Variants in NEB observed in about 807,000 individuals in gnomAD.
The protein encoded by NEB is nebulin.
A neutral mutation model predicts 952.2 loss-of-function variants in NEB; 512 were observed. The ratio of observed to expected loss-of-function variants is 0.54; its 90% CI spans 0.50 to 0.58. The LOEUF is 0.58. NEB is among the 20% of genes least tolerant of loss of function. The pLI, the probability that NEB is intolerant of heterozygous loss-of-function variation, is 0.00. For missense variants in NEB, 8,428 were observed against 9,231.1 expected (o/e 0.91, Z 3.56); for synonymous variants, 2,900 against 3,149.8 (o/e 0.92, Z 2.66).
At chr2:151,656,874 ATT>A (rs1180146816) in intron 48 of NEB, among the ~76,000 whole-genome samples, 1 of 151,998 alleles carries the variant, frequency 6.6e-6, no homozygotes, top group Non-Finnish European at 1.5e-5. Flanking sequence ...AAAACAGAAC[ATT>A]TCTCTTAATG....
chr2:151,726,625 G>C (rs1040519492), intron 5 of NEB, among the ~76,000 whole-genome samples: 4 of 152,194 alleles, frequency 2.6e-5, no homozygotes, highest in African/African-American at 9.6e-5. Flanking sequence ...GAATCAGTCA[G>C]TGTAACTTAC....
At chr2:151,627,980 T>C (rs889505905) in intron 68 of NEB, 146 bp from the exon 69 acceptor site, 4 of 1,152,332 alleles carry the variant, frequency 3.5e-6, no homozygotes, top group Admixed American at 2.8e-5. Context: ...TCATCCTAAA[T>C]TCTTATTAGA....
intron 2 of NEB, 124 bp from the exon 3 acceptor site, chr2:151,733,309 G>T (rs2099813384): frequency 2.9e-6 from 2 of 679,948 alleles, no homozygotes; most frequent in Admixed American, 3.0e-5. Flanking sequence ...ATTGTTGCAG[G>T]CTAAAGGAGA....
chr2:151,637,625 G>A (rs959770822), intron 63 of NEB, among the ~76,000 whole-genome samples: 21 of 152,266 alleles, frequency 1.4e-4, no homozygotes, highest in East Asian at 5.8e-4. Flanking sequence ...CCGAGTAGCC[G>A]CACTAACACA....
intron 23 of NEB, 54 bp from the exon 24 acceptor site, chr2:151,690,879 G>T (rs2099543636): frequency 7.7e-7 from 1 of 1,302,458 alleles, no homozygotes; most frequent in African/African-American, 1.5e-5. Context: ...GGTTATACAT[G>T]CGCTAACATA....
In NEB at chr2:151,485,908, T is replaced by TC. The variant is rs1242654062; in HGVS notation, c.25429_25430insG (p.Tyr8477Ter). ...CACCTCATCTGCATCAGCAGCCATA[T>TC]AGTCATACATGGCACGGAAGATTTT... ...AGKIFRAMYD[Y>*]MAADADEVSF... Residue 8477 changes from tyrosine to a stop codon, truncating the protein, a stop_gained and frameshift_variant, in exon 182 of 182, where the codon TAT becomes TGAT. Transcript: ENST00000397345. LOFTEE classifies it high-confidence loss of function. The TC allele has an allele frequency of 1.9e-6, 3 of 1,613,788 alleles. No individual in the cohort carries two copies. The highest frequency in any genetic ancestry group is 2.5e-6 in the Non-Finnish European group (3 of 1,179,846).
At position 151,667,831 on chromosome 2, in the gene NEB, T is replaced by C; in HGVS notation, c.4692A>G (p.Ala1564=). 6.2e-7 allele frequency: 1 copy of C among 1,612,708 alleles called. No homozygotes were observed. Among genetic ancestry groups the C allele is most frequent in the Non-Finnish European group, 8.5e-7 (1 of 1,178,916 alleles). The change falls in exon 40 of 182, where the codon GCA becomes GCG. Residue 1564 remains alanine (A), a synonymous_variant. Coordinates refer to ENST00000397345, the MANE Select transcript of NEB (RefSeq NM_001164508.2). ...LRPDAIPIVA[A]KSSRNIASDC... is the part of the protein sequence containing the mutation. The stretch of plus-strand genomic sequence containing the variant: ...CACTAGCAATATTCCTTGAACTTTT[T>C]GCAGCAACAATTGGGATGGCATCTG...
At chr2:151,705,275 A>C (rs993682627) in intron 13 of NEB, among the ~76,000 whole-genome samples, 1 of 152,198 alleles carries the variant, frequency 6.6e-6, no homozygotes, top group African/African-American at 2.4e-5. Flanking sequence ...TTAGTTTTAA[A>C]TATGCAGCTG....
chr2:151,508,946 C>G (rs751332969), intron 161 of NEB, among the ~76,000 whole-genome samples: 3 of 152,196 alleles, frequency 2.0e-5, no homozygotes, highest in Non-Finnish European at 4.4e-5. Context: ...CTTTCATCAT[C>G]GCTTGTCACT....
chr2:151,666,251 T>G lies in NEB; in HGVS notation c.4870A>C (p.Lys1624Gln), dbSNP rs1376824911. ...ACCATATCCAGAGGTGTGTGGTACT[T>G]GGTCTTGCTGGCTTCATAGCCCTTT... is the stretch of plus-strand genomic sequence containing the variant. ...YKKGYEASKT[K>Q]YHTPLDMVSV... is the part of the protein sequence containing the mutation. The change falls in exon 41 of 182, where the codon AAG (lysine) becomes CAG (glutamine). Residue 1624 changes from lysine to glutamine, a missense_variant. Transcript: ENST00000397345. 6.2e-7 allele frequency: 1 copy of G among 1,613,984 alleles called. No individual in the cohort carries two copies. Among genetic ancestry groups the G allele is most frequent in the African/African-American group, 1.3e-5 (1 of 75,062 alleles).
At chr2:151,489,338 A>G (rs1243829519) in intron 181 of NEB, among the ~76,000 whole-genome samples, 1 of 152,192 alleles carries the variant, frequency 6.6e-6, no homozygotes, top group Non-Finnish European at 1.5e-5. Flanking sequence ...CCATTTCTAT[A>G]TATATTAATA....
rs1487495164 is a variant in NEB, at chr2:151,494,174, T to C, written c.24566A>G (p.Glu8189Gly). The change falls in exon 174 of 182, where the codon GAA becomes GGA. Residue 8189 changes from glutamate (E) to glycine (G), a missense_variant. Glu to Gly is a moderately conservative substitution (Grantham distance 98). Coordinates refer to ENST00000397345, the MANE Select transcript of NEB (RefSeq NM_001164508.2). ...PEMQRVKRNQ[E>G]NISSVLYKEN... ...TCAAGACAATACCGAGCTAATGTTT[T>C]CTTGATTGCGTTTGACTCTCTGCAT... is the stretch of plus-strand genomic sequence containing the variant. 1.9e-6 allele frequency: 3 copies of C among 1,606,754 alleles called. No individual in the cohort carries two copies. The highest frequency in any genetic ancestry group is 2.2e-5 in the South Asian group (2 of 89,502).
At chr2:151,663,950 G>T in intron 44 of NEB, 91 bp from the exon 45 acceptor site, 1 of 1,319,948 alleles carries the variant, frequency 7.6e-7, no homozygotes, top group South Asian at 1.4e-5. Flanking sequence ...CTTAGATGAA[G>T]GGTTTTAGAG....
chr2:151,492,727 G>A, intron 176 of NEB: 1 of 343,106 alleles, frequency 2.9e-6, no homozygotes, highest in Non-Finnish European at 5.3e-6. Flanking sequence ...TTTCAAAGAA[G>A]GGGCACGGTA....
rs1406527613 is a variant in NEB, at chr2:151,655,389, A to G, written c.6703-15T>C. ...GTGTATAAATGCTAGGAAGTGGGAAAAAAAGACATGAAATTTGAATAACTG... is the reference window on the plus strand; with the variant it reads ...GTGTATAAATGCTAGGAAGTGGGAAGAAAAGACATGAAATTTGAATAACTG... On this transcript the variant is annotated splice_polypyrimidine_tract_variant and intron_variant, in intron 50 of 181. Coordinates refer to ENST00000397345, the MANE Select transcript of NEB (RefSeq NM_001164508.2). The G allele has an allele frequency of 1.4e-6, 2 of 1,439,996 alleles. No homozygotes were observed. Among genetic ancestry groups the G allele is most frequent in the Non-Finnish European group, 1.9e-6 (2 of 1,044,904 alleles). The allele number at this position is 1,439,996 out of a possible 1,614,324, so 89.2% of individuals were successfully genotyped here. A position where few individuals can be genotyped will look rare whatever the true frequency, so the allele number is the denominator to read the frequency against.
rs932928993 is a variant in NEB at position 151,548,305 on chromosome 2, T to C, written c.20157+3A>G. 37 of 1,604,452 alleles carry C rather than the reference T, an allele frequency of 2.3e-5. No individual in the cohort carries two copies. The highest frequency in any genetic ancestry group is 3.1e-5 in the Non-Finnish European group (36 of 1,171,354). ...GTCTCTTGGAGAATCAGCATTCAGG[T>C]ACCTCGCTGGTAACATTGTTGACTC... On this transcript the variant is annotated splice_donor_region_variant and intron_variant, in intron 131 of 181. Coordinates refer to ENST00000397345, the MANE Select transcript of NEB (RefSeq NM_001164508.2).
intron 27 of NEB, among the ~76,000 whole-genome samples, chr2:151,685,360 T>C (rs1167706504): frequency 2.0e-5 from 3 of 152,200 alleles, no homozygotes; most frequent in Admixed American, 6.5e-5. Flanking sequence ...ATGAAAACCA[T>C]ATGACAATTG....
In NEB at chr2:151,496,412, TTTC is replaced by T. The variant is rs1216419569; in HGVS notation, c.24394-47_24394-45del. On this transcript the variant is annotated intron_variant, in intron 172 of 181. Coordinates refer to ENST00000397345, the MANE Select transcript of NEB (RefSeq NM_001164508.2). ...TCCAGAAAAACAACCATGAGTAACA[TTTC>T]ATTTGTTGAGAGGTTTTAAGGGTAA... The T allele has an allele frequency of 4.5e-6, 7 of 1,562,842 alleles. No individual in the cohort carries two copies. In the African/African-American group the frequency reaches 8.1e-5, roughly 18 times the overall value.
At chr2:151,713,071 C>A (rs1443469634) in intron 10 of NEB, among the ~76,000 whole-genome samples, 5 of 152,050 alleles carry the variant, frequency 3.3e-5, no homozygotes, top group African/African-American at 1.2e-4. Context: ...AAGAGGGTGA[C>A]CATGTGTCCA....
Sources: allele counts gnomAD v4.1 joint callset (sites outside exome capture counted in the v4.1 genomes callset), GRCh38; gene constraint gnomAD v4.1.1; transcripts MANE v1.5; gene names NCBI Gene and HGNC (gene_info 2026-07-23, HGNC 2026-07-21).